ADGRB3: variants seen among roughly 807,000 people sequenced by gnomAD.
ADGRB3 encodes adhesion G protein-coupled receptor B3, also known as brain-specific angiogenesis inhibitor 3.
In ADGRB3, 37 loss-of-function variants were observed where a neutral mutation model predicts 193.4. The ratio of observed to expected loss-of-function variants is 0.19; its 90% CI spans 0.15 to 0.25. The LOEUF is 0.25. Among genes scored for constraint, ADGRB3 ranks in the 10% least tolerant of loss-of-function variants. ADGRB3 has a pLI of 1.00. For missense variants in ADGRB3, 1,637 were observed against 1,852.9 expected, an observed-to-expected ratio of 0.88 and a Z score of 2.14; for synonymous variants, 690 against 644.2, an observed-to-expected ratio of 1.07 and a Z score of -1.08.
At chr6:69,026,874 A>G (rs988261628) in intron 13 of ADGRB3, among the ~76,000 whole-genome samples, 1 of 152,210 alleles carries the variant, frequency 6.6e-6, no homozygotes, top group Admixed American at 6.5e-5. Context: ...AGCACTTACA[A>G]TGAATGGAGC....
intron 17 of ADGRB3, among the ~76,000 whole-genome samples, chr6:69,111,685 A>G (rs1197073539): frequency 6.6e-6 from 1 of 152,228 alleles, no homozygotes; most frequent in African/African-American, 2.4e-5. Flanking sequence ...CATGAAACCA[A>G]GATAATTTCT....
At chr6:68,685,503 C>A (rs1331266766) in intron 3 of ADGRB3, among the ~76,000 whole-genome samples, 1 of 151,832 alleles carries the variant, frequency 6.6e-6, no homozygotes, top group Non-Finnish European at 1.5e-5. Flanking sequence ...AATTAAAGTT[C>A]TTTAATATAA....
At chr6:69,027,565 G>A (rs1376642576) in intron 13 of ADGRB3, among the ~76,000 whole-genome samples, 1 of 152,158 alleles carries the variant, frequency 6.6e-6, no homozygotes, top group Non-Finnish European at 1.5e-5. Flanking sequence ...AGGGTCCACA[G>A]GTGACCAAAA....
At chr6:69,360,714 C>G (rs1272796573) in intron 28 of ADGRB3, among the ~76,000 whole-genome samples, 155 bp from the exon 29 acceptor site, 1 of 151,902 alleles carries the variant, frequency 6.6e-6, no homozygotes, top group East Asian at 1.9e-4. Context: ...CTCTCTGGAC[C>G]ATGTACAAAC....
At chr6:69,002,259 G>T (rs1467303743) in intron 11 of ADGRB3, among the ~76,000 whole-genome samples, 1 of 145,242 alleles carries the variant, frequency 6.9e-6, no homozygotes, top group Non-Finnish European at 1.5e-5. Flanking sequence ...TTGCTCTGTC[G>T]CCAGGCTGGA....
chr6:69,381,326 A>G, intron 30 of ADGRB3, among the ~76,000 whole-genome samples: 1 of 151,860 alleles, frequency 6.6e-6, no homozygotes, highest in East Asian at 1.9e-4. Flanking sequence ...ATTGCTTGCT[A>G]TGTTTCATGT....
At chr6:68,826,533 T>C (rs1316406912) in intron 3 of ADGRB3, among the ~76,000 whole-genome samples, 1 of 152,214 alleles carries the variant, frequency 6.6e-6, no homozygotes. Flanking sequence ...CAAGTGGAAC[T>C]GGAAGCCTTT....
chr6:68,939,984 A>G (rs1767591462), intron 5 of ADGRB3, among the ~76,000 whole-genome samples: 1 of 152,212 alleles, frequency 6.6e-6, no homozygotes, highest in African/African-American at 2.4e-5. Flanking sequence ...TATTTGTACT[A>G]TAAAATCTAA....
intron 11 of ADGRB3, among the ~76,000 whole-genome samples, 181 bp downstream of exon 11, chr6:68,994,143 C>T (rs191629421): frequency 2.6e-5 from 4 of 152,196 alleles, no homozygotes; most frequent in Admixed American, 2.6e-4. Flanking sequence ...CCTCAATGTC[C>T]TCGCCCATAA....
At chr6:68,680,706 T>C (rs1764878953) in intron 3 of ADGRB3, among the ~76,000 whole-genome samples, 1 of 152,198 alleles carries the variant, frequency 6.6e-6, no homozygotes, top group Non-Finnish European at 1.5e-5. Flanking sequence ...TCATTCTTCC[T>C]TTGAGGCATA....
intron 3 of ADGRB3, among the ~76,000 whole-genome samples, chr6:68,849,241 T>C (rs756944414): frequency 6.6e-6 from 1 of 151,964 alleles, no homozygotes; most frequent in Non-Finnish European, 1.5e-5. Flanking sequence ...ATTAATACGT[T>C]TAAATATATA....
At chr6:68,963,781 C>T (rs947315492) in intron 8 of ADGRB3, among the ~76,000 whole-genome samples, 2 of 152,092 alleles carry the variant, frequency 1.3e-5, no homozygotes, top group African/African-American at 4.8e-5. Flanking sequence ...CCCACAATCT[C>T]ATAAGTGTTC....
chr6:69,257,514 A>T (rs953332897), intron 20 of ADGRB3, among the ~76,000 whole-genome samples: 17 of 152,186 alleles, frequency 1.1e-4, no homozygotes, highest in Non-Finnish European at 2.1e-4. Context: ...GTATTCTCTG[A>T]TGTAAATAAA....
intron 3 of ADGRB3, among the ~76,000 whole-genome samples, chr6:68,771,836 A>G (rs1766624071): frequency 6.6e-6 from 1 of 152,114 alleles, no homozygotes; most frequent in Admixed American, 6.6e-5. Context: ...GAAAGGTTGC[A>G]GAACAGAGAA....
chr6:69,099,156 G>A (rs111268662), intron 17 of ADGRB3, among the ~76,000 whole-genome samples: 2 of 152,318 alleles, frequency 1.3e-5, no homozygotes, highest in African/African-American at 4.8e-5. Context: ...TTAGTAGGTA[G>A]AAGTCTGAGA....
intron 16 of ADGRB3, among the ~76,000 whole-genome samples, chr6:69,069,835 A>G (rs1177739337): frequency 6.6e-6 from 1 of 151,944 alleles, no homozygotes; most frequent in Non-Finnish European, 1.5e-5. Flanking sequence ...AATATTCTTG[A>G]GGAATCTCCA....
intron 3 of ADGRB3, among the ~76,000 whole-genome samples, chr6:68,902,341 T>G (rs965796625): frequency 6.6e-6 from 1 of 152,158 alleles, no homozygotes; most frequent in Admixed American, 6.5e-5. Flanking sequence ...AGTAATTTTT[T>G]TTTCTGCTTA....
intron 3 of ADGRB3, among the ~76,000 whole-genome samples, chr6:68,857,603 AG>A (rs1310549585): frequency 1.3e-5 from 2 of 152,196 alleles, no homozygotes; most frequent in Admixed American, 6.5e-5. Context: ...CATTGTATCT[AG>A]GAAGTAACTA....
chr6:68,748,938 C>A (rs1766137913), intron 3 of ADGRB3, among the ~76,000 whole-genome samples: 1 of 152,248 alleles, frequency 6.6e-6, no homozygotes, highest in Admixed American at 6.5e-5. Flanking sequence ...CACATGTAAG[C>A]CACCAAGGCT....
Sources: gnomAD v4.1 joint callset for allele counts (sites outside exome capture counted in the v4.1 genomes callset) on GRCh38, gnomAD v4.1.1 for gene constraint, MANE v1.5 for transcripts, NCBI Gene and HGNC (gene_info 2026-07-23, HGNC 2026-07-21) for gene names.